KCNMA1: variants seen among roughly 807,000 people sequenced by gnomAD.
The protein encoded by KCNMA1 is Calcium-activated potassium channel subunit alpha-1.
A neutral mutation model predicts 140.0 loss-of-function variants in KCNMA1; 29 were observed. That is an observed-to-expected ratio of 0.21 (90% confidence interval 0.15 to 0.28). The LOEUF is 0.28. Among genes scored for constraint, KCNMA1 ranks in the 10% least tolerant of loss-of-function variants. KCNMA1 has a pLI of 1.00. For missense variants in KCNMA1, 880 were observed against 1,602.2 expected, an observed-to-expected ratio of 0.55 and a Z score of 7.70; for synonymous variants, 612 against 611.9, an observed-to-expected ratio of 1.00 and a Z score of 0.00.
chr10:77,111,132 A>T (rs1279243632), intron 7 of KCNMA1, among the ~76,000 whole-genome samples: 1 of 152,124 alleles, frequency 6.6e-6, no homozygotes, highest in Non-Finnish European at 1.5e-5. Context: ...CAGTTTCCCC[A>T]CTTTCCTGTC....
At chr10:77,039,883 C>CT (rs34943268) in intron 14 of KCNMA1, among the ~76,000 whole-genome samples, 6,443 of 78,918 alleles carry the variant, frequency 0.082, 801 homozygotes, top group East Asian at 0.24. Flanking sequence ...TTTTCTTTTT[C>CT]TTTTTTTTTT....
intron 1 of KCNMA1, among the ~76,000 whole-genome samples, chr10:77,602,421 C>T (rs953285257): frequency 1.3e-5 from 2 of 152,128 alleles, no homozygotes; most frequent in Non-Finnish European, 2.9e-5. Context: ...TGGGGAGTGA[C>T]TGCTCATGGG....
At chr10:77,021,789 T>C (rs2092888035) in intron 16 of KCNMA1, among the ~76,000 whole-genome samples, 2 of 152,124 alleles carry the variant, frequency 1.3e-5, no homozygotes, top group Non-Finnish European at 2.9e-5. Flanking sequence ...CATTTGCAGA[T>C]ACTAAGCTAA....
At chr10:77,499,380 A>G (rs1201590517) in intron 1 of KCNMA1, among the ~76,000 whole-genome samples, 2 of 150,106 alleles carry the variant, frequency 1.3e-5, no homozygotes, top group Non-Finnish European at 1.5e-5. Context: ...CCAAGTCTGA[A>G]AGTCAAAATG....
At chr10:77,554,613 A>G (rs1415151450) in intron 1 of KCNMA1, among the ~76,000 whole-genome samples, 6 of 150,196 alleles carry the variant, frequency 4.0e-5, no homozygotes, top group African/African-American at 1.2e-4. Flanking sequence ...AAAAAAAAAA[A>G]AAAAAGAAAG....
At chr10:77,278,003 A>C (rs1035644541) in intron 2 of KCNMA1, among the ~76,000 whole-genome samples, 2 of 152,244 alleles carry the variant, frequency 1.3e-5, no homozygotes, top group Non-Finnish European at 2.9e-5. Flanking sequence ...ATGCAGCTCA[A>C]ATCCAAAAAT....
At chr10:76,925,220 T>G (rs1324805000) in intron 23 of KCNMA1, among the ~76,000 whole-genome samples, 3 of 152,254 alleles carry the variant, frequency 2.0e-5, no homozygotes, top group Non-Finnish European at 4.4e-5. Flanking sequence ...TTTATCTTCA[T>G]ATACCCACTG....
chr10:77,151,634 C>T (rs1726481430), intron 5 of KCNMA1, among the ~76,000 whole-genome samples: 1 of 152,180 alleles, frequency 6.6e-6, no homozygotes, highest in Non-Finnish European at 1.5e-5. Flanking sequence ...AGACTCTGGC[C>T]TCCCAGCTGG....
intron 14 of KCNMA1, among the ~76,000 whole-genome samples, chr10:77,062,744 A>G (rs2095801314): frequency 6.6e-6 from 1 of 152,240 alleles, no homozygotes; most frequent in African/African-American, 2.4e-5. Flanking sequence ...GGGGAAACCT[A>G]GGATAAGCTC....
At chr10:77,264,575 A>G (rs2062892893) in intron 2 of KCNMA1, among the ~76,000 whole-genome samples, 1 of 152,234 alleles carries the variant, frequency 6.6e-6, no homozygotes, top group Non-Finnish European at 1.5e-5. Flanking sequence ...GACAAGGGCC[A>G]GAAAATGCGT....
intron 2 of KCNMA1, among the ~76,000 whole-genome samples, chr10:77,390,416 T>A (rs2095775173): frequency 6.6e-6 from 1 of 152,198 alleles, no homozygotes; most frequent in Admixed American, 6.5e-5. Context: ...TTTCTGATGA[T>A]CTGAGCTTTT....
In KCNMA1 at chr10:77,101,999, T is replaced by C. The variant is rs144676490; in HGVS notation, c.1223+6482A>G. Among the ~76,000 whole-genome samples, 690 of 152,330 alleles carry C rather than the reference T, an allele frequency of 4.5e-3. 3 individuals are homozygous for C. The highest frequency in any genetic ancestry group is 7.6e-3 in the Non-Finnish European group (520 of 68,018). ...GAAGAGGTTTCAATAAGCCCTGATA[T>C]TGGACTTCCCAACCACTTAGGTGGC... On this transcript the variant is annotated intron_variant, in intron 9 of 27. Transcript: ENST00000286628.
intron 1 of KCNMA1, among the ~76,000 whole-genome samples, chr10:77,506,929 G>A (rs1336866922): frequency 2.0e-5 from 3 of 151,490 alleles, no homozygotes; most frequent in African/African-American, 7.3e-5. Context: ...AAAGACAGAT[G>A]TTCCTATGAA....
chr10:77,122,326 G>C (rs1233983452), intron 5 of KCNMA1, among the ~76,000 whole-genome samples: 1 of 152,164 alleles, frequency 6.6e-6, no homozygotes, highest in African/African-American at 2.4e-5. Context: ...ATGAACAGAA[G>C]ACTTTTTTTG....
chr10:77,155,664 C>T (rs1018462654), intron 5 of KCNMA1, among the ~76,000 whole-genome samples: 1 of 152,020 alleles, frequency 6.6e-6, no homozygotes, highest in Non-Finnish European at 1.5e-5. Context: ...CCCATGGAAA[C>T]GGTTCCTCCA....
chr10:77,587,900 C>T (rs1567719625), intron 1 of KCNMA1: 1 of 981,522 alleles, frequency 1.0e-6, no homozygotes, highest in Non-Finnish European at 1.2e-6. Flanking sequence ...CCAGATCTGC[C>T]TTCAAGATGT....
chr10:77,456,606 G>A (rs72807576), intron 1 of KCNMA1, among the ~76,000 whole-genome samples: 179 of 152,314 alleles, frequency 1.2e-3, no homozygotes, highest in Non-Finnish European at 2.2e-3. Context: ...GCTGAAGGAG[G>A]GAGGCTGCAT....
intron 2 of KCNMA1, among the ~76,000 whole-genome samples, chr10:77,403,070 T>C (rs531733842): frequency 1.1e-4 from 16 of 152,284 alleles, no homozygotes; most frequent in African/African-American, 3.1e-4. Context: ...ATGTCTCATG[T>C]ACCCCTCAGT....
rs143320243 is a variant in KCNMA1, at chr10:77,348,376, G to T, written c.540+55486C>A. Among the ~76,000 whole-genome samples the T allele has an allele frequency of 1.7e-3, 256 of 152,268 alleles. 2 individuals are homozygous for T. The highest frequency in any genetic ancestry group is 6.0e-3 in the African/African-American group (249 of 41,552). On this transcript the variant is annotated intron_variant, in intron 2 of 27. Transcript: ENST00000286628. Reference sequence around the variant, plus strand: ...CAAAAGTGAAGAGGCCATTGTCCTCGATCCTTTATCTTTTGTTCTCTGATT... The same window carrying T: ...CAAAAGTGAAGAGGCCATTGTCCTCTATCCTTTATCTTTTGTTCTCTGATT...
Sources: allele counts gnomAD v4.1 joint callset (sites outside exome capture counted in the v4.1 genomes callset), GRCh38; gene constraint gnomAD v4.1.1; transcripts MANE v1.5; gene names NCBI Gene and HGNC (gene_info 2026-07-23, HGNC 2026-07-21).